WWC1: variants seen among roughly 807,000 people sequenced by gnomAD.
The protein encoded by WWC1 is WW and C2 domain containing 1.
In WWC1, 55 loss-of-function variants were observed where a neutral mutation model predicts 138.4. The ratio of observed to expected loss-of-function variants is 0.40; its 90% CI spans 0.32 to 0.50. The LOEUF is 0.50. WWC1 is among the 20% of genes least tolerant of loss of function. WWC1 has a pLI of 0.72. For synonymous variants in WWC1, 524 were observed against 564.9 expected (o/e 0.93, Z 1.03); for missense variants, 1,226 against 1,420.4 (o/e 0.86, Z 2.20).
chr5:168,385,649 A>T (rs962425081), intron 3 of WWC1, among the ~76,000 whole-genome samples: 2 of 152,180 alleles, frequency 1.3e-5, no homozygotes, highest in East Asian at 1.9e-4. Context: ...GTCGGATTAC[A>T]TATCTCCTCA....
intron 8 of WWC1, among the ~76,000 whole-genome samples, chr5:168,412,486 A>G (rs1391332456): frequency 6.6e-6 from 1 of 152,294 alleles, no homozygotes; most frequent in Non-Finnish European, 1.5e-5. Flanking sequence ...AAGTATATCC[A>G]GTAAAGCATC....
chr5:168,297,724 TTTC>T (rs1320431939), intron 1 of WWC1, among the ~76,000 whole-genome samples: 12 of 151,728 alleles, frequency 7.9e-5, no homozygotes, highest in African/African-American at 2.9e-4. Context: ...CTAGTAAAAG[TTTC>T]TTTTTTCTCT....
chr5:168,401,040 G>C (rs1430566444), intron 5 of WWC1, among the ~76,000 whole-genome samples: 2 of 151,600 alleles, frequency 1.3e-5, no homozygotes, highest in African/African-American at 4.8e-5. Context: ...GAGAAGGAGA[G>C]AGAGAGAAAG....
chr5:168,435,531 C>T (rs1442605385), intron 15 of WWC1, among the ~76,000 whole-genome samples: 1 of 152,186 alleles, frequency 6.6e-6, no homozygotes, highest in African/African-American at 2.4e-5. Context: ...CCACTTCAGC[C>T]TCTCCCATAG....
intron 1 of WWC1, among the ~76,000 whole-genome samples, chr5:168,308,809 C>T (rs1770801468): frequency 6.6e-6 from 1 of 152,220 alleles, no homozygotes; most frequent in Non-Finnish European, 1.5e-5. Context: ...GCCTCCTCCA[C>T]AACCTGGCCC....
Position 168,383,421 on chromosome 5 carries a change from G to A in WWC1, c.230-1790G>A, listed in dbSNP as rs921869586. ...GTTGTAACACAGCGATTATTGGCAG[G>A]AATGAGAACTTGGCCCTGCTGCTTC... On this transcript the variant is annotated intron_variant, in intron 2 of 22. Transcript: ENST00000265293. Among the ~76,000 whole-genome samples, 4 of 152,288 alleles carry A rather than the reference G, an allele frequency of 2.6e-5. No homozygotes were observed. The South Asian group carries it at 8.3e-4, about 32-fold the overall frequency.
chr5:168,415,798 TGGGGGGGGG>T (rs56206528), intron 9 of WWC1: 3 of 6,338 alleles, frequency 4.7e-4, no homozygotes, highest in Non-Finnish European at 9.5e-4. Context: ...TGTGTGTGTG[TGGGGGGGGG>T]GGGGGGGCGT....
intron 4 of WWC1, among the ~76,000 whole-genome samples, chr5:168,399,221 C>T (rs1272775660): frequency 2.8e-5 from 2 of 70,342 alleles, no homozygotes; most frequent in African/African-American, 1.6e-4. Context: ...AGGTCAGCTC[C>T]TGTCCACCTG....
intron 3 of WWC1, among the ~76,000 whole-genome samples, chr5:168,395,512 A>G (rs1430805794): frequency 6.6e-6 from 1 of 152,222 alleles, no homozygotes; most frequent in Non-Finnish European, 1.5e-5. Context: ...TCATTTTATT[A>G]TAACATTATA....
intron 8 of WWC1, among the ~76,000 whole-genome samples, chr5:168,412,290 A>G (rs976723259): frequency 2.0e-5 from 3 of 152,192 alleles, no homozygotes; most frequent in Non-Finnish European, 4.4e-5. Context: ...AGCCTGCTCA[A>G]TGGGAAAGCA....
intron 3 of WWC1, among the ~76,000 whole-genome samples, chr5:168,392,941 A>C (rs1180229415): frequency 1.3e-5 from 2 of 152,180 alleles, no homozygotes; most frequent in African/African-American, 2.4e-5. Flanking sequence ...CTATATGGTC[A>C]GGAAACAAGA....
chr5:168,441,509 A>G (rs952488181), intron 15 of WWC1, among the ~76,000 whole-genome samples, 173 bp from the exon 16 acceptor site: 1 of 152,212 alleles, frequency 6.6e-6, no homozygotes, highest in African/African-American at 2.4e-5. Context: ...CAATGAATGA[A>G]TGAACAAATG....
chr5:168,403,222 T>G (rs1036172187), intron 5 of WWC1, among the ~76,000 whole-genome samples: 4 of 151,988 alleles, frequency 2.6e-5, no homozygotes, highest in African/African-American at 9.7e-5. Flanking sequence ...CTCAGCCTCC[T>G]GACTAAATGG....
intron 1 of WWC1, among the ~76,000 whole-genome samples, chr5:168,297,761 A>G (rs998657207): frequency 6.6e-6 from 1 of 152,086 alleles, no homozygotes; most frequent in Non-Finnish European, 1.5e-5. Context: ...ATTTTTTACT[A>G]AAAGTCAGAT....
chr5:168,413,534 TC>T (rs1780376006), intron 8 of WWC1, among the ~76,000 whole-genome samples: 2 of 152,206 alleles, frequency 1.3e-5, no homozygotes, highest in African/African-American at 4.8e-5. Context: ...GGCTGCCAGC[TC>T]TTTCCTTTAA....
chr5:168,423,142 C>CA, intron 10 of WWC1, among the ~76,000 whole-genome samples: 1 of 74,632 alleles, frequency 1.3e-5, no homozygotes, highest in Non-Finnish European at 2.5e-5. Flanking sequence ...AAGACTCCAT[C>CA]CCCCCCCAAA....
At chr5:168,341,278 G>A (rs1774014893) in intron 1 of WWC1, among the ~76,000 whole-genome samples, 1 of 152,170 alleles carries the variant, frequency 6.6e-6, no homozygotes, top group Non-Finnish European at 1.5e-5. Context: ...TCTAAGATCT[G>A]TAGGACATGT....
At chr5:168,348,906 T>C (rs1446662447) in intron 1 of WWC1, among the ~76,000 whole-genome samples, 1 of 152,144 alleles carries the variant, frequency 6.6e-6, no homozygotes, top group African/African-American at 2.4e-5. Flanking sequence ...AGCTAACACA[T>C]GTCAGCTGCT....
intron 1 of WWC1, among the ~76,000 whole-genome samples, chr5:168,336,161 C>A (rs1159580900): frequency 6.6e-6 from 1 of 152,196 alleles, no homozygotes; most frequent in East Asian, 1.9e-4. Context: ...CCCACAAAAC[C>A]CAATTTGAGA....
Sources: allele counts gnomAD v4.1 joint callset (sites outside exome capture counted in the v4.1 genomes callset), GRCh38; gene constraint gnomAD v4.1.1; transcripts MANE v1.5; gene names NCBI Gene and HGNC (gene_info 2026-07-23, HGNC 2026-07-21).